Variants in TIMP2 observed in about 807,000 individuals in gnomAD.
TIMP2 encodes metalloproteinase inhibitor 2.
A neutral mutation model predicts 24.3 loss-of-function variants in TIMP2; 5 were observed. That is an observed-to-expected ratio of 0.21 (90% CI 0.11 to 0.43). The LOEUF (loss-of-function observed/expected upper bound fraction) is 0.43, where lower values mean the gene tolerates loss of function less well. Among genes scored for constraint, TIMP2 ranks in the 20% least tolerant of loss-of-function variants. TIMP2 has a pLI of 1.00. For synonymous variants in TIMP2, 130 were observed against 123.2 expected (o/e 1.06, Z -0.37); for missense variants, 221 against 297.5 (o/e 0.74, Z 1.89).
At chr17:78,876,096 C>T (rs1172635747) in intron 1 of TIMP2, among the ~76,000 whole-genome samples, 5 of 152,148 alleles carry the variant, frequency 3.3e-5, no homozygotes, top group African/African-American at 1.2e-4. Flanking sequence ...ATTTCCAGTG[C>T]CCTCCTAACC....
intron 4 of TIMP2, 24 bp downstream of exon 4, chr17:78,857,498 C>G: frequency 6.2e-7 from 1 of 1,613,910 alleles, no homozygotes. Context: ...AGGCGATGCT[C>G]CAGCAGAGGC....
chr17:78,907,103 G>A (rs547956647), intron 1 of TIMP2, among the ~76,000 whole-genome samples: 1 of 149,790 alleles, frequency 6.7e-6, no homozygotes, highest in Non-Finnish European at 1.5e-5. Context: ...GTGTGATCTC[G>A]GCTCACTGCA....
At chr17:78,864,379 T>TCCTC (rs1412409733) in intron 3 of TIMP2, among the ~76,000 whole-genome samples, 33 of 145,612 alleles carry the variant, frequency 2.3e-4, no homozygotes, top group Admixed American at 6.3e-4. Context: ...CCCTCCCCCT[T>TCCTC]CCTCCCTCCC....
At chr17:78,862,671 C>T (rs560215440) in intron 3 of TIMP2, among the ~76,000 whole-genome samples, 6 of 152,240 alleles carry the variant, frequency 3.9e-5, no homozygotes, top group Admixed American at 1.3e-4. Flanking sequence ...GTGGGCATAG[C>T]GCCCAATAGG....
chr17:78,859,159 A>G (rs986188201), intron 3 of TIMP2, among the ~76,000 whole-genome samples: 1 of 152,226 alleles, frequency 6.6e-6, no homozygotes, highest in African/African-American at 2.4e-5. Context: ...TTTGAAAATT[A>G]GGAATCTGCT....
chr17:78,855,736 G>A lies in TIMP2; in HGVS notation c.594C>T (p.Asp198=), dbSNP rs558644205. ...AKFFACIKRS[D]GSCAWYRGAA... ...CGCCGCGGTACCACGCACAGGAGCC[G>A]TCACTTCTCTTGATGCAGGCGAAGA... is the stretch of plus-strand genomic sequence containing the variant. The change falls in exon 5 of 5, where the codon GAC becomes GAT. Residue 198 remains aspartate, a synonymous_variant. Coordinates refer to ENST00000262768, the MANE Select transcript of TIMP2 (RefSeq NM_003255.5). This position sits in a 1 kb window ranked among gnomAD's most constrained non-coding sequence, Gnocchi z 6.0. 63 of 1,614,090 alleles carry A rather than the reference G, an allele frequency of 3.9e-5. No individual in the cohort carries two copies. Among genetic ancestry groups the A allele is most frequent in the Non-Finnish European group, 4.1e-5 (48 of 1,180,062 alleles).
Position 78,857,659 on chromosome 17 carries a change from G to A in TIMP2, c.341-13C>T, listed in dbSNP as rs200515076. The A allele has an allele frequency of 1.5e-4, 248 of 1,613,916 alleles. No individual in the cohort carries two copies. The African/African-American group carries it at 2.1e-3, about 14-fold the overall frequency. On this transcript the variant is annotated splice_polypyrimidine_tract_variant and intron_variant, in intron 3 of 4. Transcript: ENST00000262768. ...CCCTCGGCCTTTCCTGCGGAGAGAC[G>A]GGGATCACCGAGCTCAGGGAGAGGG...
intron 1 of TIMP2, chr17:78,900,044 C>T (rs2070066355): frequency 6.6e-6 from 1 of 152,178 alleles, no homozygotes; most frequent in Admixed American, 6.5e-5. Flanking sequence ...ATTTGACCTT[C>T]TTTGGGGGAA....
At chr17:78,865,950 C>G (rs1340295034) in intron 3 of TIMP2, among the ~76,000 whole-genome samples, 1 of 152,116 alleles carries the variant, frequency 6.6e-6, no homozygotes, top group South Asian at 2.1e-4. Context: ...GGCAGTGTGA[C>G]GAAACTGAGC....
intron 1 of TIMP2, among the ~76,000 whole-genome samples, chr17:78,878,445 A>G (rs574368546): frequency 6.6e-6 from 1 of 152,282 alleles, no homozygotes; most frequent in African/African-American, 2.4e-5. Flanking sequence ...CGCATAGACA[A>G]GCAGGGCGAA....
At chr17:78,874,663 T>G (rs1247288742) in intron 1 of TIMP2, among the ~76,000 whole-genome samples, 2 of 152,136 alleles carry the variant, frequency 1.3e-5, no homozygotes, top group Non-Finnish European at 2.9e-5. Context: ...CTGCAACCTC[T>G]ATCTCCCAGG....
At chr17:78,865,106 G>A (rs975344421) in intron 3 of TIMP2, among the ~76,000 whole-genome samples, 19 of 152,078 alleles carry the variant, frequency 1.2e-4, no homozygotes, top group African/African-American at 3.6e-4. Context: ...ATGAACTTGA[G>A]GACATTATGC....
intron 1 of TIMP2, among the ~76,000 whole-genome samples, chr17:78,919,901 T>C (rs1258121584): frequency 6.6e-6 from 1 of 152,160 alleles, no homozygotes; most frequent in Non-Finnish European, 1.5e-5. Flanking sequence ...CCCTGGTTTG[T>C]GAGCCTGTGC....
chr17:78,911,453 CAG>C (rs2070206591), intron 1 of TIMP2, among the ~76,000 whole-genome samples: 1 of 151,918 alleles, frequency 6.6e-6, no homozygotes, highest in Non-Finnish European at 1.5e-5. Flanking sequence ...TTTTTTGAGA[CAG>C]AGTCTCACTC....
chr17:78,882,973 G>A (rs1476584241), intron 1 of TIMP2, among the ~76,000 whole-genome samples: 1 of 152,164 alleles, frequency 6.6e-6, no homozygotes, highest in African/African-American at 2.4e-5. Flanking sequence ...CTTTTGGTCA[G>A]CGGGTGCGGC....
At chr17:78,856,197 G>A (rs1371133695) in intron 4 of TIMP2, 1 of 343,022 alleles carries the variant, frequency 2.9e-6, no homozygotes, top group Non-Finnish European at 5.6e-6. Context: ...AAGGGCCTGG[G>A]TTTCCTGGAG....
intron 3 of TIMP2, among the ~76,000 whole-genome samples, chr17:78,863,010 G>C (rs541727251): frequency 6.6e-6 from 1 of 152,150 alleles, no homozygotes; most frequent in African/African-American, 2.4e-5. Context: ...CAGATAGTGC[G>C]GTAATGAACA....
At chr17:78,902,330 A>G (rs113573993) in intron 1 of TIMP2, among the ~76,000 whole-genome samples, 12,599 of 152,084 alleles carry the variant, frequency 0.083, 540 homozygotes, top group Middle Eastern at 0.13. Flanking sequence ...CTGGTTACAA[A>G]CTCCTGACCT....
intron 1 of TIMP2, among the ~76,000 whole-genome samples, chr17:78,880,811 T>C (rs1156235739): frequency 6.6e-6 from 1 of 152,262 alleles, no homozygotes; most frequent in African/African-American, 2.4e-5. Flanking sequence ...CCACATGCTA[T>C]ATGTATAAAT....
Sources: gnomAD v4.1 joint callset for allele counts (sites outside exome capture counted in the v4.1 genomes callset) on GRCh38, gnomAD v4.1.1 for gene constraint, Gnocchi (gnomAD v3.1) non-coding constraint, MANE v1.5 for transcripts, NCBI Gene and HGNC (gene_info 2026-07-23, HGNC 2026-07-21) for gene names.